COL24A1: variants seen among roughly 807,000 people sequenced by gnomAD.
The protein encoded by COL24A1 is collagen alpha-1(XXIV) chain.
A neutral mutation model predicts 253.9 loss-of-function variants in COL24A1; 224 were observed. The ratio of observed to expected loss-of-function variants is 0.88; its 90% CI spans 0.79 to 0.99. The LOEUF (loss-of-function observed/expected upper bound fraction) is 0.99, where lower values mean the gene tolerates loss of function less well. COL24A1 is among the 50% of genes least tolerant of loss of function. The pLI is 0.00. For missense variants in COL24A1, 2,131 were observed against 2,068.5 expected (o/e 1.03, Z -0.59); for synonymous variants, 685 against 673.7 (o/e 1.02, Z -0.26).
rs1676705597 is a variant in COL24A1, at chr1:85,842,342, T to C, written c.3514A>G (p.Arg1172Gly). The C allele has an allele frequency of 6.3e-7, 1 of 1,594,990 alleles. No individual in the cohort carries two copies. Among genetic ancestry groups the C allele is most frequent in the Non-Finnish European group, 8.6e-7 (1 of 1,168,642 alleles). ...PDGEPGIPGY[R>G]GHQGQPGPSG... ...TTTTTTCAATTATAAATACTTACCC[T>C]GTACCCTGGAATTCCTGGTTCTCCA... is the stretch of plus-strand genomic sequence containing the variant. The change falls in exon 40 of 60, where the codon AGG becomes GGG. Residue 1172 changes from arginine (R) to glycine (G), a missense_variant and splice_region_variant. By Grantham distance (125) the Arg-to-Gly change is moderately radical. Transcript: ENST00000370571.
Position 85,961,282 on chromosome 1 carries a change from T to A in COL24A1, c.2529A>T (p.Gly843=), listed in dbSNP as rs773628197. 1 of 1,604,318 alleles carries A rather than the reference T, an allele frequency of 6.2e-7. No individual in the cohort carries two copies. Among genetic ancestry groups the A allele is most frequent in the South Asian group, 1.1e-5 (1 of 90,406 alleles). The change falls in exon 24 of 60, where the codon GGA becomes GGT. Residue 843 remains glycine (G), a synonymous_variant. Coordinates refer to ENST00000370571, the MANE Select transcript of COL24A1 (RefSeq NM_152890.7). ...PGPEGLKGEV[G]DQGNIGKIGE... ...CAATTTTTCCAATATTTCCTTGATC[T>A]CCTACTTCTCCCTGTCAAAAAAGAA... is the stretch of plus-strand genomic sequence containing the variant.
chr1:85,987,750 T>A, intron 19 of COL24A1, 96 bp from the exon 20 acceptor site: 1 of 977,992 alleles, frequency 1.0e-6, no homozygotes, highest in Non-Finnish European at 1.5e-6. Context: ...CATATCCAGT[T>A]AAAGCAATTT....
intron 20 of COL24A1, among the ~76,000 whole-genome samples, chr1:85,982,841 T>C (rs1693383333): frequency 6.6e-6 from 1 of 152,032 alleles, no homozygotes; most frequent in African/African-American, 2.4e-5. Context: ...CAATAAATAT[T>C]TCTTAGCTGA....
At chr1:85,952,848 C>CT (rs761824607) in intron 24 of COL24A1, among the ~76,000 whole-genome samples, 2 of 152,168 alleles carry the variant, frequency 1.3e-5, no homozygotes, top group East Asian at 3.9e-4. Context: ...ATGTTTGTAA[C>CT]TTTTAAGTTT....
chr1:86,154,082 T>C (rs1653144701), intron 1 of COL24A1: 1 of 152,178 alleles, frequency 6.6e-6, no homozygotes, highest in Non-Finnish European at 1.5e-5. Flanking sequence ...TCAGAGACTC[T>C]AAGGTTTAAT....
chr1:86,023,459 G>T lies in COL24A1; in HGVS notation c.2050-452C>A, dbSNP rs527668946. On this transcript the variant is annotated intron_variant, in intron 14 of 59. Transcript: ENST00000370571. Reference sequence around the variant, plus strand: ...TATGTGCCAGACATCCTAATGATTTGATTTTATAATTTCAAATTTGCAGAA... The same window carrying T: ...TATGTGCCAGACATCCTAATGATTTTATTTTATAATTTCAAATTTGCAGAA... Among the ~76,000 whole-genome samples the T allele has an allele frequency of 2.6e-5, 4 of 152,178 alleles. No homozygotes were observed. In the South Asian group the frequency reaches 8.3e-4, roughly 32 times the overall value.
intron 53 of COL24A1, 96 bp from the exon 54 acceptor site, chr1:85,761,662 G>A (rs140697623): frequency 1.3e-4 from 160 of 1,197,162 alleles, no homozygotes; most frequent in East Asian, 7.7e-4. Context: ...ACTGCCTTTC[G>A]TGCCAGGCAA....
intron 19 of COL24A1, among the ~76,000 whole-genome samples, chr1:85,988,914 T>C (rs1348960316): frequency 2.6e-5 from 4 of 152,168 alleles, no homozygotes; most frequent in African/African-American, 9.6e-5. Context: ...AACAGAAAGA[T>C]GATCACAAGA....
intron 23 of COL24A1, among the ~76,000 whole-genome samples, chr1:85,963,658 T>C (rs1558819077): frequency 6.6e-6 from 1 of 152,120 alleles, no homozygotes; most frequent in East Asian, 1.9e-4. Context: ...AATAGCTACA[T>C]GATGTATTGA....
At chr1:85,885,397 A>ATTTTTTTTTT (rs1177337391) in intron 32 of COL24A1, among the ~76,000 whole-genome samples, 12 of 128,910 alleles carry the variant, frequency 9.3e-5, no homozygotes, top group Admixed American at 2.5e-4. Flanking sequence ...ATATATATAT[A>ATTTTTTTTTT]TTTTTTTTTT....
intron 47 of COL24A1, among the ~76,000 whole-genome samples, chr1:85,792,961 G>A (rs890298665): frequency 6.6e-6 from 1 of 152,072 alleles, no homozygotes; most frequent in Non-Finnish European, 1.5e-5. Context: ...AATGTGGTGG[G>A]AGAGATGTTT....
intron 55 of COL24A1, among the ~76,000 whole-genome samples, chr1:85,760,048 GA>G (rs1400758479): frequency 1.1e-5 from 1 of 91,810 alleles, no homozygotes; most frequent in Non-Finnish European, 2.3e-5. Context: ...AAGACTTGGA[GA>G]AAGACATTGT....
chr1:85,805,283 C>G (rs938782600), intron 47 of COL24A1, among the ~76,000 whole-genome samples: 1 of 151,918 alleles, frequency 6.6e-6, no homozygotes, highest in Non-Finnish European at 1.5e-5. Flanking sequence ...GAAAGAAATA[C>G]ATGGAAAGAA....
chr1:85,961,895 G>A (rs980693130), intron 23 of COL24A1, among the ~76,000 whole-genome samples: 1 of 152,148 alleles, frequency 6.6e-6, no homozygotes, highest in African/African-American at 2.4e-5. Context: ...TGAGCCAATC[G>A]CTTCCCACTA....
At chr1:86,045,697 A>T (rs560107733) in intron 12 of COL24A1, 39 of 289,446 alleles carry the variant, frequency 1.3e-4, no homozygotes, top group African/African-American at 8.1e-4. Context: ...TTCTACTGTT[A>T]TAACCATTAT....
At chr1:85,858,487 T>C (rs1678711676) in intron 37 of COL24A1, among the ~76,000 whole-genome samples, 2 of 152,200 alleles carry the variant, frequency 1.3e-5, no homozygotes, top group Non-Finnish European at 1.5e-5. Context: ...GATAATCACA[T>C]AGGTGGCTTT....
chr1:86,024,157 A>C (rs1212622741), intron 14 of COL24A1, among the ~76,000 whole-genome samples: 2 of 151,776 alleles, frequency 1.3e-5, no homozygotes, highest in Admixed American at 6.6e-5. Context: ...GCTGCAGTGG[A>C]CTGTCTTTCA....
chr1:85,935,722 T>C (rs1265074594), intron 24 of COL24A1, among the ~76,000 whole-genome samples: 3 of 146,770 alleles, frequency 2.0e-5, no homozygotes, highest in Non-Finnish European at 4.5e-5. Flanking sequence ...TGACTGACAG[T>C]TTATTAATTC....
chr1:86,111,210 G>A (rs57683437), intron 5 of COL24A1, among the ~76,000 whole-genome samples: 20,031 of 135,896 alleles, frequency 0.15, 1,818 homozygotes, highest in East Asian at 0.31. Context: ...TGTCTAGCTC[G>A]GGGTTTGTGG....
Sources: gnomAD v4.1 joint callset for allele counts (sites outside exome capture counted in the v4.1 genomes callset) on GRCh38, gnomAD v4.1.1 for gene constraint, MANE v1.5 for transcripts, NCBI Gene and HGNC (gene_info 2026-07-23, HGNC 2026-07-21) for gene names.